CYB5D2: variants seen among roughly 807,000 people sequenced by gnomAD.
CYB5D2 encodes neuferricin.
A neutral mutation model predicts 22.8 loss-of-function variants in CYB5D2; 23 were observed. The observed-to-expected ratio is 1.01, with a 90% CI of 0.73 to 1.43. The LOEUF is 1.43. Ranked by LOEUF, CYB5D2 falls within the 40% of genes most tolerant of loss-of-function variation. CYB5D2 has a pLI of 0.00. For missense variants in CYB5D2, 373 were observed against 357.2 expected (o/e 1.04, Z -0.36); for synonymous variants, 170 against 152.2 (o/e 1.12, Z -0.86).
chr17:4,155,695 A>G (rs1048349270), intron 3 of CYB5D2, among the ~76,000 whole-genome samples: 2 of 152,148 alleles, frequency 1.3e-5, no homozygotes, highest in Non-Finnish European at 2.9e-5. Context: ...CTCAGAGAGC[A>G]CTGGTCTCTG....
chr17:4,144,004 A>G lies in CYB5D2; in HGVS notation c.249A>G (p.Ala83=). ...CTGGGTCCCACTATAGCGGCTTCGC[A>G]GGTATCAGCGAGGCTGCTCACGCCT... ...YEPGSHYSGF[A]GRDASRAFVT... is the part of the protein sequence containing the mutation. Residue 83 remains alanine (A), a splice_region_variant and synonymous_variant, in exon 1 of 4, where the codon GCA becomes GCG. Transcript: ENST00000301391. 6.3e-7 allele frequency: 1 copy of G among 1,598,192 alleles called. No homozygotes were observed. Among genetic ancestry groups the G allele is most frequent in the Non-Finnish European group, 8.5e-7 (1 of 1,172,016 alleles).
intron 2 of CYB5D2, among the ~76,000 whole-genome samples, chr17:4,153,324 C>A (rs1404901915): frequency 6.6e-6 from 1 of 150,824 alleles, no homozygotes; most frequent in East Asian, 2.0e-4. Flanking sequence ...CAGGGAAGAG[C>A]GGTGCGAAGG....
chr17:4,144,869 C>G (rs942420546), intron 1 of CYB5D2, among the ~76,000 whole-genome samples: 1 of 152,106 alleles, frequency 6.6e-6, no homozygotes. Context: ...TCACTGCAAG[C>G]TCTGCCTCCC....
chr17:4,146,686 G>A (rs2058995932), intron 1 of CYB5D2, among the ~76,000 whole-genome samples: 1 of 145,658 alleles, frequency 6.9e-6, no homozygotes, highest in Non-Finnish European at 1.5e-5. Context: ...CACCGCGCCT[G>A]GCCCGGTGGG....
At chr17:4,150,634 C>T (rs1419263594) in intron 2 of CYB5D2, among the ~76,000 whole-genome samples, 1 of 152,178 alleles carries the variant, frequency 6.6e-6, no homozygotes, top group Non-Finnish European at 1.5e-5. Context: ...ACTGTAATAC[C>T]AGCACTTTGG....
rs140071359 is a variant in CYB5D2, at chr17:4,143,933, C to T, written c.178C>T (p.Leu60Phe). Residue 60 changes from leucine to phenylalanine, a missense_variant, in exon 1 of 4, where the codon CTC becomes TTC. Leu to Phe is a conservative substitution (Grantham distance 22). Coordinates refer to ENST00000301391, the MANE Select transcript of CYB5D2 (RefSeq NM_144611.4). ...PGDPGLYLAL[L>F]GRVYDVSSGR... is the part of the protein sequence containing the mutation. Reference sequence around the variant, plus strand: ...GGACCCGGGCCTGTACTTGGCGTTGCTCGGCCGTGTCTACGATGTGTCCTC... The same window carrying T: ...GGACCCGGGCCTGTACTTGGCGTTGTTCGGCCGTGTCTACGATGTGTCCTC... The T allele has an allele frequency of 8.1e-4, 1,310 of 1,613,680 alleles. 3 individuals carry two copies. Among genetic ancestry groups the T allele is most frequent in the Non-Finnish European group, 1.0e-3 (1,188 of 1,180,028 alleles).
At position 4,143,948 on chromosome 17, in the gene CYB5D2, G is replaced by C. The variant is rs767791011; in HGVS notation, c.193G>C (p.Asp65His). ...LYLALLGRVY[D>H]VSSGRRHYEP... The stretch of plus-strand genomic sequence containing the variant: ...CTTGGCGTTGCTCGGCCGTGTCTAC[G>C]ATGTGTCCTCCGGCCGGAGGCACTA... Residue 65 changes from aspartate to histidine, a missense_variant, in exon 1 of 4, where the codon GAT (aspartate) becomes CAT (histidine). Asp to His is a moderately conservative substitution (Grantham distance 81, BLOSUM62 -1). Coordinates refer to ENST00000301391, the MANE Select transcript of CYB5D2 (RefSeq NM_144611.4). The C allele has an allele frequency of 6.8e-6, 11 of 1,613,176 alleles. No individual in the cohort carries two copies. Among genetic ancestry groups the C allele is most frequent in the African/African-American group, 6.7e-5 (5 of 74,922 alleles).
chr17:4,144,752 C>T (rs2058963756), intron 1 of CYB5D2, among the ~76,000 whole-genome samples: 1 of 152,220 alleles, frequency 6.6e-6, no homozygotes, highest in East Asian at 1.9e-4. Context: ...ACCCTCACAC[C>T]TGAATACTGA....
intron 1 of CYB5D2, among the ~76,000 whole-genome samples, chr17:4,145,035 C>T (rs2058971758): frequency 6.6e-6 from 1 of 152,164 alleles, no homozygotes; most frequent in Non-Finnish European, 1.5e-5. Flanking sequence ...ATCCGCCCAC[C>T]TTGGCCTCCC....
chr17:4,146,731 A>G (rs1794874442), intron 1 of CYB5D2, among the ~76,000 whole-genome samples: 1 of 151,718 alleles, frequency 6.6e-6, no homozygotes, highest in African/African-American at 2.4e-5. Flanking sequence ...ATTTGTAAAA[A>G]TGTCACCACT....
rs2058916082 is a variant in CYB5D2 at position 4,143,506 on chromosome 17, A to G, written c.-250A>G. On this transcript the variant is annotated 5_prime_UTR_variant, in exon 1 of 4. Transcript: ENST00000301391. ...CCGCCAGTGCACTCCAGCCTGGACA[A>G]CAAGAGCTAAAACTCTGTCTCAGAA... is the stretch of plus-strand genomic sequence containing the variant. The G allele has an allele frequency of 5.2e-6, 2 of 388,170 alleles. No individual in the cohort carries two copies. The highest frequency in any genetic ancestry group is 9.1e-6 in the Non-Finnish European group (2 of 218,960). The allele number at this position is 388,170 out of a possible 1,614,324, so 24.0% of individuals were successfully genotyped here. A position where few individuals can be genotyped will look rare whatever the true frequency, so the allele number is the denominator to read the frequency against.
At chr17:4,154,929 G>A (rs1448384487) in intron 3 of CYB5D2, 69 bp downstream of exon 3, 16 of 1,462,990 alleles carry the variant, frequency 1.1e-5, no homozygotes, top group Non-Finnish European at 1.5e-5. Context: ...CCTGCCTGCA[G>A]TATTCAGTGA....
At chr17:4,150,760 CCTGTACTCCCAGCTA>C (rs1253111358) in intron 2 of CYB5D2, among the ~76,000 whole-genome samples, 2 of 152,152 alleles carry the variant, frequency 1.3e-5, no homozygotes, top group African/African-American at 2.4e-5. Flanking sequence ...GTGGCACGCA[CCTGTACTCCCAGCTA>C]CTCAGGAGGC....
intron 3 of CYB5D2, among the ~76,000 whole-genome samples, chr17:4,156,618 C>T (rs1173068447): frequency 1.3e-5 from 2 of 152,180 alleles, no homozygotes; most frequent in Non-Finnish European, 2.9e-5. Flanking sequence ...GGCTGGGGAG[C>T]ACAGTGAAAG....
At chr17:4,144,108 C>G in intron 1 of CYB5D2, 103 bp downstream of exon 1, 3 of 1,447,452 alleles carry the variant, frequency 2.1e-6, no homozygotes, top group Non-Finnish European at 2.8e-6. Flanking sequence ...CCCCCCATCC[C>G]CACCCCACAT....
At chr17:4,145,232 G>A (rs1434048132) in intron 1 of CYB5D2, among the ~76,000 whole-genome samples, 1 of 152,224 alleles carries the variant, frequency 6.6e-6, no homozygotes, top group Non-Finnish European at 1.5e-5. Flanking sequence ...ATTATCTTAG[G>A]GGAATTGGGA....
At chr17:4,153,807 G>C (rs1992158) in intron 2 of CYB5D2, among the ~76,000 whole-genome samples, 118,628 of 152,268 alleles carry the variant, frequency 0.78, 47,911 homozygotes, top group East Asian at 0.98. Context: ...GGCTCCTAAT[G>C]CAGGTCACAG....
rs200024244 is a variant in CYB5D2, at chr17:4,144,794, C to CT, written c.250+798dup. Reference sequence around the variant, plus strand: ...ATGGACTCGGACCACCAGTCTAGTGCTTTTTTTTTAAAGATGGAATCTCGC... The same window carrying CT: ...ATGGACTCGGACCACCAGTCTAGTGCTTTTTTTTTTAAAGATGGAATCTCGC... On this transcript the variant is annotated intron_variant, in intron 1 of 3. Transcript: ENST00000301391. 5.1e-3 allele frequency among the ~76,000 whole-genome samples: 766 copies of CT among 151,372 alleles called. 5 individuals carry two copies. Among genetic ancestry groups the CT allele is most frequent in the African/African-American group, 0.018 (733 of 41,250 alleles).
At chr17:4,152,997 C>T (rs555950071) in intron 2 of CYB5D2, among the ~76,000 whole-genome samples, 3 of 152,216 alleles carry the variant, frequency 2.0e-5, no homozygotes, top group African/African-American at 7.2e-5. Flanking sequence ...TGGCTGGTCT[C>T]GAACCCCTGA....
Sources: allele counts gnomAD v4.1 joint callset (sites outside exome capture counted in the v4.1 genomes callset), GRCh38; gene constraint gnomAD v4.1.1; transcripts MANE v1.5; gene names NCBI Gene and HGNC (gene_info 2026-07-23, HGNC 2026-07-21).